The following DMKN variants were observed in gnomAD, a reference collection of about 807,000 sequenced individuals.
DMKN encodes the protein epidermis-specific secreted protein SK30/SK89.
A neutral mutation model predicts 67.6 loss-of-function variants in DMKN; 58 were observed. The ratio of observed to expected loss-of-function variants is 0.86; its 90% confidence interval spans 0.69 to 1.07. The LOEUF (loss-of-function observed/expected upper bound fraction) is 1.07, where lower values mean the gene tolerates loss of function less well. DMKN is among the 50% of genes least tolerant of loss of function. The pLI is 0.00. For synonymous variants in DMKN, 240 were observed against 232.3 expected, an observed-to-expected ratio of 1.03 and a Z score of -0.30; for missense variants, 596 against 601.5, an observed-to-expected ratio of 0.99 and a Z score of 0.10.
chr19:35,502,620 C>CGTTTGCA (rs2068609899), intron 10 of DMKN, among the ~76,000 whole-genome samples: 2 of 151,694 alleles, frequency 1.3e-5, no homozygotes, highest in South Asian at 4.2e-4. Flanking sequence ...AGGAGAATGG[C>CGTTTGCA]GTGAACCCAG....
At chr19:35,506,909 A>G in intron 7 of DMKN, 1 of 200,770 alleles carries the variant, frequency 5.0e-6, no homozygotes. Context: ...GCTACTTGGG[A>G]GGCTGAGGCA....
At chr19:35,506,274 C>T in intron 7 of DMKN, 1 of 1,322,744 alleles carries the variant, frequency 7.6e-7, no homozygotes, top group Non-Finnish European at 1.0e-6. Context: ...TGCTTCATCC[C>T]CACCTCGGTC....
rs746874546 is a variant in DMKN, at chr19:35,502,841, G to C, written c.1180C>G (p.Arg394Gly). ...PSTRALLYFS[R>G]LWEDFKQNTP... is the part of the protein sequence containing the mutation. ...AAGAATTCTCCTACCTCCCAGAGTC[G>C]GCTGAAGTAGAGGAGGGCTCGGGTG... The change falls in exon 10 of 16, where the codon CGA becomes GGA. Residue 394 changes from arginine (R) to glycine (G), a missense_variant. Physicochemically the swap from Arg to Gly is moderately radical, Grantham distance 125. Transcript: ENST00000339686. The C allele has an allele frequency of 7.8e-5, 126 of 1,613,946 alleles. No homozygotes were observed. Among genetic ancestry groups the C allele is most frequent in the Non-Finnish European group, 1.1e-4 (125 of 1,180,016 alleles).
chr19:35,512,873 G>T, intron 1 of DMKN, 83 bp from the exon 2 acceptor site: 2 of 1,536,268 alleles, frequency 1.3e-6, no homozygotes, highest in South Asian at 2.4e-5. Context: ...AAAGAGACCA[G>T]GAGAGAGACA....
At chr19:35,502,696 C>T in intron 10 of DMKN, 134 bp downstream of exon 10, 1 of 881,574 alleles carries the variant, frequency 1.1e-6, no homozygotes, top group Non-Finnish European at 1.8e-6. Flanking sequence ...TAGAGCGAGA[C>T]TCTGTCTCAA....
chr19:35,513,164 A>C lies in DMKN; in HGVS notation c.312T>G (p.His104Gln), dbSNP rs201291882. 6.8e-5 allele frequency: 110 copies of C among 1,614,040 alleles called. No homozygotes were observed. The highest frequency in any genetic ancestry group is 8.6e-5 in the Non-Finnish European group (101 of 1,180,044). ...ALGNRVGEAA[H>Q]ALGNTGHEIG... The stretch of plus-strand genomic sequence containing the variant: ...TCTCGTGCCCAGTGTTTCCCAGAGC[A>C]TGGGCTGCTTCCCCGACCCTGTTGC... Residue 104 changes from histidine (H) to glutamine (Q), a missense_variant, in exon 1 of 16, where the codon CAT becomes CAG. Transcript: ENST00000339686.
intron 5 of DMKN, 108 bp downstream of exon 5, chr19:35,511,303 G>C: frequency 6.4e-7 from 1 of 1,561,130 alleles, no homozygotes; most frequent in Non-Finnish European, 8.6e-7. Flanking sequence ...CAGCGAGGCC[G>C]CCCATCCTCG....
At chr19:35,506,588 T>C in intron 7 of DMKN, 3 of 468,224 alleles carry the variant, frequency 6.4e-6, no homozygotes, top group South Asian at 4.6e-5. Context: ...GTACAGTAAC[T>C]GAAGGCTGCG....
chr19:35,506,178 C>T (rs1158255028), intron 7 of DMKN, 192 bp from the exon 8 acceptor site: 2 of 1,525,160 alleles, frequency 1.3e-6, no homozygotes, highest in East Asian at 2.4e-5. Flanking sequence ...CCAGCTCGAC[C>T]CTTGCCCCTG....
At chr19:35,512,540 G>A (rs771225430) in intron 2 of DMKN, 50 bp downstream of exon 2, 1 of 1,613,962 alleles carries the variant, frequency 6.2e-7, no homozygotes, top group South Asian at 1.1e-5. Context: ...CGGAGCATGT[G>A]GGCTTGGAGG....
chr19:35,497,963 CTCTT>C (rs1367345212), intron 15 of DMKN: 2 of 152,340 alleles, frequency 1.3e-5, no homozygotes, highest in Non-Finnish European at 2.9e-5. Context: ...CTCTCTTTCT[CTCTT>C]TCTTTCCAGA....
intron 5 of DMKN, 24 bp downstream of exon 5, chr19:35,511,387 C>T: frequency 6.2e-7 from 1 of 1,606,746 alleles, no homozygotes; most frequent in Middle Eastern, 2.3e-4. Flanking sequence ...CCATCTCAGC[C>T]TTCCACAGAG....
intron 11 of DMKN, chr19:35,501,761 G>T: frequency 6.7e-7 from 1 of 1,485,584 alleles, no homozygotes; most frequent in Non-Finnish European, 9.1e-7. Flanking sequence ...CCATGCCGCA[G>T]CCTAGGCCCC....
chr19:35,505,781 A>G lies in DMKN; in HGVS notation c.1087-16T>C. The G allele has an allele frequency of 6.2e-7, 1 of 1,614,218 alleles. No individual in the cohort carries two copies. The highest frequency in any genetic ancestry group is 8.5e-7 in the Non-Finnish European group (1 of 1,180,040). ...ATTTAAAATTCTATGGAGGAAACAA[A>G]AAGAAGAATGGCCAAATTGAGTCAT... On this transcript the variant is annotated splice_polypyrimidine_tract_variant and intron_variant, in intron 8 of 15. Coordinates refer to ENST00000339686, the MANE Select transcript of DMKN (RefSeq NM_033317.5).
At position 35,500,032 on chromosome 19, in the gene DMKN, G is replaced by A. The variant is rs112345244; in HGVS notation, c.1288-3C>T. ...GCATGCTGGTTGTAATTGTAGTTCT[G>A]TGGAAGAAGTGGGCATGGCGGTTAG... On this transcript the variant is annotated splice_region_variant and splice_polypyrimidine_tract_variant and intron_variant, in intron 12 of 15. Transcript: ENST00000339686. 3 of 1,614,098 alleles carry A rather than the reference G, an allele frequency of 1.9e-6. No homozygotes were observed. The highest frequency in any genetic ancestry group is 1.7e-6 in the Non-Finnish European group (2 of 1,180,050).
chr19:35,504,241 T>A (rs1191288390), intron 9 of DMKN, among the ~76,000 whole-genome samples: 3 of 152,082 alleles, frequency 2.0e-5, no homozygotes, highest in Non-Finnish European at 4.4e-5. Flanking sequence ...AAGTTCCCTG[T>A]GACCCAGGAA....
At position 35,502,123 on chromosome 19, in the gene DMKN, C is replaced by T; in HGVS notation, c.1239+13G>A. On this transcript the variant is annotated intron_variant, in intron 11 of 15. Coordinates refer to ENST00000339686, the MANE Select transcript of DMKN (RefSeq NM_033317.5). The stretch of plus-strand genomic sequence containing the variant: ...CCCTGTGTCCCAGAGCTGAGAAGTC[C>T]TGCCCCCCTTACCTCAATAATTGCT... The T allele has an allele frequency of 1.9e-6, 3 of 1,614,168 alleles. No homozygotes were observed. The highest frequency in any genetic ancestry group is 2.5e-6 in the Non-Finnish European group (3 of 1,180,030).
chr19:35,500,009 A>G lies in DMKN; in HGVS notation c.1308T>C (p.His436=). The change falls in exon 13 of 16, where the codon CAT becomes CAC. Residue 436 remains histidine, a synonymous_variant. Coordinates refer to ENST00000339686, the MANE Select transcript of DMKN (RefSeq NM_033317.5). ...TCCCACCATAGGCAGTGGGATACGC[A>G]TGCTGGTTGTAATTGTAGTTCTGTG... ...RDDQNYNYNQ[H]AYPTAYGGKY... is the part of the protein sequence containing the mutation. 1 of 1,614,204 alleles carries G rather than the reference A, an allele frequency of 6.2e-7. No homozygotes were observed. The highest frequency in any genetic ancestry group is 8.5e-7 in the Non-Finnish European group (1 of 1,180,038).
At chr19:35,511,280 G>T in intron 5 of DMKN, 131 bp downstream of exon 5, 1 of 1,504,324 alleles carries the variant, frequency 6.6e-7, no homozygotes, top group African/African-American at 1.4e-5. Context: ...GGGAGCCTCA[G>T]GGTGACGACT....
Sources: allele counts gnomAD v4.1 joint callset (sites outside exome capture counted in the v4.1 genomes callset), GRCh38; gene constraint gnomAD v4.1.1; transcripts MANE v1.5; gene names NCBI Gene and HGNC (gene_info 2026-07-23, HGNC 2026-07-21).